The following MAP2 variants were observed in gnomAD, a reference collection of about 807,000 sequenced individuals.
MAP2 encodes the protein microtubule associated protein 2, also known as microtubule-associated protein 2.
MAP2 carries 14 observed loss-of-function variants against 137.6 expected under a neutral mutation model. The ratio of observed to expected loss-of-function variants is 0.10; its 90% CI spans 0.07 to 0.16. The LOEUF is 0.16. Ranked by LOEUF, MAP2 falls within the 10% of genes least tolerant of loss-of-function variation. The pLI, the probability that MAP2 is intolerant of heterozygous loss-of-function variation, is 1.00. For synonymous variants in MAP2, 786 were observed against 782.3 expected (o/e 1.00, Z -0.08); for missense variants, 2,088 against 2,191.5 (o/e 0.95, Z 0.94).
At chr2:209,466,794 A>G (rs1395008130) in intron 1 of MAP2, among the ~76,000 whole-genome samples, 1 of 152,196 alleles carries the variant, frequency 6.6e-6, no homozygotes, top group African/African-American at 2.4e-5. Context: ...ACATGGCAAA[A>G]AGCTAAGAAA....
chr2:209,647,143 A>T (rs140334181), intron 4 of MAP2, among the ~76,000 whole-genome samples: 5 of 152,242 alleles, frequency 3.3e-5, no homozygotes, highest in African/African-American at 1.2e-4. Context: ...ACAATCAGAT[A>T]TCATGAGAGC....
intron 1 of MAP2, among the ~76,000 whole-genome samples, chr2:209,440,891 A>G (rs1697592420): frequency 6.6e-6 from 1 of 151,588 alleles, no homozygotes; most frequent in African/African-American, 2.4e-5. Flanking sequence ...AGTTGAAGTC[A>G]GCCACCTCAC....
intron 4 of MAP2, among the ~76,000 whole-genome samples, chr2:209,640,637 C>G (rs1008612696): frequency 2.6e-5 from 4 of 151,688 alleles, no homozygotes; most frequent in Admixed American, 2.0e-4. Context: ...ACGTTAGAGA[C>G]AGAGCTTTAG....
intron 13 of MAP2, among the ~76,000 whole-genome samples, chr2:209,712,948 T>C (rs2066021058): frequency 6.6e-6 from 1 of 152,198 alleles, no homozygotes; most frequent in African/African-American, 2.4e-5. Context: ...TTGAATGGGT[T>C]GGCCAACGCA....
intron 2 of MAP2, among the ~76,000 whole-genome samples, chr2:209,532,299 C>T (rs1314328931): frequency 6.6e-6 from 1 of 150,836 alleles, no homozygotes. Flanking sequence ...GAAAAGAGGA[C>T]TTCAGCTCTT....
chr2:209,623,036 AT>A (rs527795098), intron 3 of MAP2, among the ~76,000 whole-genome samples: 113 of 152,294 alleles, frequency 7.4e-4, no homozygotes, highest in African/African-American at 2.6e-3. Flanking sequence ...TACTGAGTTA[AT>A]TTTTGGAAAG....
intron 10 of MAP2, among the ~76,000 whole-genome samples, chr2:209,699,442 T>C (rs2061176277): frequency 1.3e-5 from 2 of 152,180 alleles, no homozygotes; most frequent in African/African-American, 4.8e-5. Context: ...TTTTCAAACA[T>C]AGATGGTTTT....
intron 4 of MAP2, among the ~76,000 whole-genome samples, chr2:209,634,375 C>T (rs1203532875): frequency 6.6e-6 from 1 of 152,074 alleles, no homozygotes; most frequent in Admixed American, 6.6e-5. Context: ...CCTAACAGTC[C>T]AGGTTCAGTG....
intron 1 of MAP2, among the ~76,000 whole-genome samples, chr2:209,426,659 C>T (rs1692662022): frequency 6.6e-6 from 1 of 152,186 alleles, no homozygotes; most frequent in Admixed American, 6.5e-5. Flanking sequence ...ACCAGGAGCA[C>T]ACCCATCTCA....
intron 1 of MAP2, among the ~76,000 whole-genome samples, chr2:209,502,457 T>G (rs852733): frequency 0.018 from 2,681 of 152,354 alleles, 80 homozygotes; most frequent in African/African-American, 0.061. Flanking sequence ...CCATTGTGTA[T>G]AGTAACTCAC....
chr2:209,496,122 G>A (rs142536297), intron 1 of MAP2, among the ~76,000 whole-genome samples: 103 of 152,260 alleles, frequency 6.8e-4, no homozygotes, highest in African/African-American at 2.4e-3. Flanking sequence ...ATAATACAAT[G>A]TCTAGAGGTG....
At chr2:209,577,215 T>G (rs975268316) in intron 2 of MAP2, among the ~76,000 whole-genome samples, 1 of 152,180 alleles carries the variant, frequency 6.6e-6, no homozygotes, top group Non-Finnish European at 1.5e-5. Context: ...AGGGGCATTT[T>G]TTTTTTTGCG....
At chr2:209,724,427 G>A (rs918901132) in intron 13 of MAP2, among the ~76,000 whole-genome samples, 2 of 152,156 alleles carry the variant, frequency 1.3e-5, no homozygotes, top group Non-Finnish European at 2.9e-5. Flanking sequence ...AAGGTGATCA[G>A]GCTAACTGTA....
At chr2:209,689,637 T>C (rs1559561882) in intron 7 of MAP2, among the ~76,000 whole-genome samples, 2 of 152,148 alleles carry the variant, frequency 1.3e-5, no homozygotes, top group Non-Finnish European at 2.9e-5. Flanking sequence ...ATACATGGTT[T>C]GGGGGGTGGT....
At chr2:209,619,421 A>AAAT (rs2090494840) in intron 3 of MAP2, among the ~76,000 whole-genome samples, 1 of 152,098 alleles carries the variant, frequency 6.6e-6, no homozygotes, top group South Asian at 2.1e-4. Flanking sequence ...CTAATTGAAT[A>AAAT]AATAATAAAA....
At chr2:209,483,043 T>C (rs1394322997) in intron 1 of MAP2, among the ~76,000 whole-genome samples, 1 of 152,216 alleles carries the variant, frequency 6.6e-6, no homozygotes, top group Non-Finnish European at 1.5e-5. Context: ...AGTTTAGAAC[T>C]AAAGTCCTGA....
intron 3 of MAP2, among the ~76,000 whole-genome samples, chr2:209,610,899 G>A (rs1388301810): frequency 1.3e-5 from 2 of 152,182 alleles, no homozygotes; most frequent in East Asian, 3.9e-4. Context: ...TGGGACCCAG[G>A]AAGCTTTTGT....
intron 1 of MAP2, among the ~76,000 whole-genome samples, chr2:209,504,528 G>C (rs547501004): frequency 6.6e-6 from 1 of 152,274 alleles, no homozygotes; most frequent in Admixed American, 6.5e-5. Context: ...TCTCTTTAAA[G>C]AGTTGTTAAG....
rs572353744 is a variant in MAP2, at chr2:209,716,225, A to T, written c.5073+5971A>T. ...TTTCACTTACTAGACCATAAGGTCC[A>T]TAAAGTCAGAGATGAGGTGCATTTT... On this transcript the variant is annotated intron_variant, in intron 13 of 15. Coordinates refer to ENST00000682079, the MANE Select transcript of MAP2 (RefSeq NM_001375505.1). 2.6e-5 allele frequency among the ~76,000 whole-genome samples: 4 copies of T among 152,374 alleles called. No individual in the cohort carries two copies. The East Asian group carries it at 7.7e-4, about 29-fold the overall frequency.
Sources: allele counts gnomAD v4.1 joint callset (sites outside exome capture counted in the v4.1 genomes callset), GRCh38; gene constraint gnomAD v4.1.1; transcripts MANE v1.5; gene names NCBI Gene and HGNC (gene_info 2026-07-23, HGNC 2026-07-21).